The following PTPRM variants were observed in gnomAD, a reference collection of about 807,000 sequenced individuals.
PTPRM encodes receptor-type tyrosine-protein phosphatase mu.
A neutral mutation model predicts 186.7 loss-of-function variants in PTPRM; 47 were observed. That is an observed-to-expected ratio of 0.25 (90% CI 0.20 to 0.32). The LOEUF is 0.32. PTPRM is among the 10% of genes least tolerant of loss of function. The probability of loss-of-function intolerance (pLI) is 1.00; values close to 1 mark genes in which losing one functional copy is unlikely to be tolerated. For synonymous variants in PTPRM, 668 were observed against 674.9 expected, an observed-to-expected ratio of 0.99 and a Z score of 0.16; for missense variants, 1,494 against 1,865.0, an observed-to-expected ratio of 0.80 and a Z score of 3.66.
chr18:7,801,998 A>G, intron 2 of PTPRM, among the ~76,000 whole-genome samples: 1 of 152,246 alleles, frequency 6.6e-6, no homozygotes, highest in Non-Finnish European at 1.5e-5. Flanking sequence ...TGCTTACTAT[A>G]TTGGAGAGTA....
At chr18:7,831,056 A>G (rs2045737120) in intron 2 of PTPRM, among the ~76,000 whole-genome samples, 1 of 152,190 alleles carries the variant, frequency 6.6e-6, no homozygotes, top group African/African-American at 2.4e-5. Flanking sequence ...GTGTTCAGGC[A>G]GAGTTATGGT....
chr18:7,714,744 C>T (rs191573013), intron 1 of PTPRM, among the ~76,000 whole-genome samples: 26 of 152,142 alleles, frequency 1.7e-4, no homozygotes, highest in African/African-American at 3.1e-4. Flanking sequence ...AACACCTCTA[C>T]GCAAATAAAC....
intron 4 of PTPRM, among the ~76,000 whole-genome samples, chr18:7,918,070 T>TTGTGTATTTGTG (rs1259605380): frequency 8.4e-6 from 1 of 118,908 alleles, no homozygotes; most frequent in South Asian, 2.9e-4. Flanking sequence ...TATTGTGTTC[T>TTGTGTATTTGTG]TGTGTGTTTG....
chr18:7,697,833 C>A (rs73939345), intron 1 of PTPRM, among the ~76,000 whole-genome samples: 2,704 of 152,210 alleles, frequency 0.018, 76 homozygotes, highest in African/African-American at 0.061. Context: ...CATAGATCTT[C>A]AAAAATCATA....
At chr18:7,917,567 T>C (rs1372370954) in intron 4 of PTPRM, among the ~76,000 whole-genome samples, 2 of 152,132 alleles carry the variant, frequency 1.3e-5, no homozygotes, top group East Asian at 3.9e-4. Flanking sequence ...TGATACATAA[T>C]ATAAGTGCAT....
chr18:7,825,380 A>C (rs899683809), intron 2 of PTPRM, among the ~76,000 whole-genome samples: 1 of 152,220 alleles, frequency 6.6e-6, no homozygotes, highest in Admixed American at 6.5e-5. Flanking sequence ...TTGATTTTGC[A>C]TAGGAGTACC....
intron 1 of PTPRM, among the ~76,000 whole-genome samples, chr18:7,727,908 TA>T (rs978043582): frequency 3.9e-5 from 6 of 152,158 alleles, no homozygotes; most frequent in African/African-American, 1.4e-4. Context: ...ATCCCCAAAA[TA>T]GAACTGTGGT....
At chr18:8,078,485 CAG>C (rs2089951536) in intron 9 of PTPRM, among the ~76,000 whole-genome samples, 1 of 152,110 alleles carries the variant, frequency 6.6e-6, no homozygotes, top group Admixed American at 6.5e-5. Context: ...TGGTAAAAAT[CAG>C]AGGGTGAGAT....
intron 1 of PTPRM, among the ~76,000 whole-genome samples, chr18:7,706,633 A>G (rs1454558291): frequency 6.7e-6 from 1 of 148,236 alleles, no homozygotes. Context: ...AAAAAAAACA[A>G]CAAAATGTGC....
chr18:7,920,406 TAA>T (rs1402436523), intron 4 of PTPRM, among the ~76,000 whole-genome samples: 4 of 152,188 alleles, frequency 2.6e-5, no homozygotes, highest in Non-Finnish European at 5.9e-5. Context: ...CTTATAGATA[TAA>T]GTTATCTTAA....
rs2090570588 is a variant in PTPRM, at chr18:8,088,899, C to T, written c.1856+48C>T. The T allele has an allele frequency of 6.5e-6, 9 of 1,376,052 alleles. No individual in the cohort carries two copies. The East Asian group carries it at 1.9e-4, about 28-fold the overall frequency. The allele number at this position is 1,376,052 out of a possible 1,614,324, so 85.2% of individuals were successfully genotyped here. A position where few individuals can be genotyped will look rare whatever the true frequency, so the allele number is the denominator to read the frequency against. ...GGCTCTAGATAGAAGAAAACTAAATCAAGTTGATTAATTCCTCCAATGTGT... is the reference window on the plus strand; with the variant it reads ...GGCTCTAGATAGAAGAAAACTAAATTAAGTTGATTAATTCCTCCAATGTGT... On this transcript the variant is annotated intron_variant, in intron 11 of 32. Transcript: ENST00000580170.
chr18:8,130,148 A>G (rs1204589072), intron 13 of PTPRM, among the ~76,000 whole-genome samples: 1 of 152,120 alleles, frequency 6.6e-6, no homozygotes, highest in East Asian at 1.9e-4. Flanking sequence ...ATGTGAAAGG[A>G]TCTTGGATTT....
At chr18:7,773,383 G>A (rs934075004) in intron 1 of PTPRM, among the ~76,000 whole-genome samples, 5 of 152,048 alleles carry the variant, frequency 3.3e-5, no homozygotes, top group South Asian at 2.1e-4. Flanking sequence ...GGATTGAGGT[G>A]AAAGCATTTC....
intron 7 of PTPRM, among the ~76,000 whole-genome samples, chr18:7,961,268 C>T (rs548535644): frequency 3.7e-4 from 56 of 152,320 alleles, no homozygotes; most frequent in Non-Finnish European, 6.3e-4. Flanking sequence ...ATCCACTAAA[C>T]ACTAACTCTC....
chr18:7,780,568 G>A (rs558559942), intron 2 of PTPRM, among the ~76,000 whole-genome samples: 1 of 152,134 alleles, frequency 6.6e-6, no homozygotes, highest in Non-Finnish European at 1.5e-5. Context: ...CCCTGTTTTA[G>A]TCCTATTATC....
At chr18:8,291,399 A>G (rs1338473184) in intron 19 of PTPRM, among the ~76,000 whole-genome samples, 1 of 152,208 alleles carries the variant, frequency 6.6e-6, no homozygotes, top group Non-Finnish European at 1.5e-5. Flanking sequence ...TCCAAAGAAC[A>G]AAGTTCTTTT....
intron 24 of PTPRM, among the ~76,000 whole-genome samples, chr18:8,372,426 A>G (rs1413795725): frequency 2.0e-5 from 3 of 152,112 alleles, no homozygotes; most frequent in Admixed American, 1.3e-4. Flanking sequence ...GAACAAGACC[A>G]GTTTTAGGAA....
At chr18:8,307,545 T>G (rs2095234560) in intron 20 of PTPRM, among the ~76,000 whole-genome samples, 1 of 152,194 alleles carries the variant, frequency 6.6e-6, no homozygotes, top group Admixed American at 6.5e-5. Flanking sequence ...GGCTCACACC[T>G]GTAATCTTAG....
chr18:8,092,041 A>AT (rs2090761730), intron 11 of PTPRM, among the ~76,000 whole-genome samples: 1 of 151,412 alleles, frequency 6.6e-6, no homozygotes, highest in African/African-American at 2.4e-5. Context: ...TCCAAAACCC[A>AT]TTTTTTTCAA....
Sources: allele counts gnomAD v4.1 joint callset (sites outside exome capture counted in the v4.1 genomes callset), GRCh38; gene constraint gnomAD v4.1.1; transcripts MANE v1.5; gene names NCBI Gene and HGNC (gene_info 2026-07-23, HGNC 2026-07-21).